Variants in CPAMD8 observed in about 807,000 individuals in gnomAD.
CPAMD8 encodes C3 and PZP like alpha-2-macroglobulin domain containing 8.
CPAMD8 carries 146 observed loss-of-function variants against 224.7 expected under a neutral mutation model. The ratio of observed to expected loss-of-function variants is 0.65; its 90% confidence interval spans 0.57 to 0.75. The LOEUF is 0.75. CPAMD8 is among the 30% of genes least tolerant of loss of function. The pLI, the probability that CPAMD8 is intolerant of heterozygous loss-of-function variation, is 0.00. For missense variants in CPAMD8, 2,301 were observed against 2,537.5 expected, an observed-to-expected ratio of 0.91 and a Z score of 2.00; for synonymous variants, 966 against 1,044.6, an observed-to-expected ratio of 0.92 and a Z score of 1.45.
chr19:16,938,002 G>T (rs1486407976), intron 23 of CPAMD8, among the ~76,000 whole-genome samples: 3 of 152,096 alleles, frequency 2.0e-5, no homozygotes, highest in Non-Finnish European at 4.4e-5. Flanking sequence ...GGCCAGGCTG[G>T]TCTCAAACTC....
rs369697125 is a variant in CPAMD8, at chr19:16,911,510, C to T, written c.3861+2914G>A. On this transcript the variant is annotated intron_variant, in intron 29 of 41. Transcript: ENST00000443236. The stretch of plus-strand genomic sequence containing the variant: ...CCAAGTAGCTGGGACTTCAGGCATG[C>T]GCCACCACACAAGCTAATTTTTGTA... Among the ~76,000 whole-genome samples, 51 of 149,930 alleles carry T rather than the reference C, an allele frequency of 3.4e-4. No homozygotes were observed. In the East Asian group the frequency reaches 3.8e-3, roughly 11 times the overall value.
chr19:16,929,244 G>C lies in CPAMD8; in HGVS notation c.2846-4C>G, dbSNP rs748049322. On this transcript the variant is annotated splice_polypyrimidine_tract_variant and splice_region_variant and intron_variant, in intron 23 of 41. Transcript: ENST00000443236. ...GGGGTGGAGATGTGGACTCTCTCTG[G>C]ATGGAGGAAAGGAGATGGGGAGTTG... The C allele has an allele frequency of 3.8e-6, 6 of 1,594,222 alleles. No homozygotes were observed. The highest frequency in any genetic ancestry group is 5.1e-6 in the Non-Finnish European group (6 of 1,166,466).
Position 16,914,651 on chromosome 19 carries a change from AC to A in CPAMD8, c.3786+5del. 1.2e-6 allele frequency: 2 copies of A among 1,613,812 alleles called. No individual in the cohort carries two copies. Among genetic ancestry groups the A allele is most frequent in the East Asian group, 4.5e-5 (2 of 44,864 alleles). The stretch of plus-strand genomic sequence containing the variant: ...GCCCGGGAAGGAGGCTCAAGGGGCC[AC>A]TCACCTGGATGTCCTTGTTCAGGAC... On this transcript the variant is annotated splice_donor_5th_base_variant and intron_variant, in intron 28 of 41. Transcript: ENST00000443236.
chr19:17,002,064 C>G (rs3745342), intron 9 of CPAMD8, among the ~76,000 whole-genome samples: 1 of 147,566 alleles, frequency 6.8e-6, no homozygotes, highest in African/African-American at 2.5e-5. Flanking sequence ...GAGGAGGGGG[C>G]GCCTACTGGA....
chr19:17,026,783 T>A lies in CPAMD8; in HGVS notation c.-141A>T, dbSNP rs1038931814. On this transcript the variant is annotated 5_prime_UTR_variant, in exon 1 of 42. An upstream start codon of the reference 5' UTR is lost. Transcript: ENST00000443236. ...CCCCCGCGCAGTGCGCCCGGCGCCA[T>A]GCGCCCCGCTCCGCGCCCGGCCAAG... 1.8e-6 allele frequency: 2 copies of A among 1,123,312 alleles called. No homozygotes were observed. Among genetic ancestry groups the A allele is most frequent in the Non-Finnish European group, 2.2e-6 (2 of 919,970 alleles). The allele number at this position is 1,123,312 out of a possible 1,614,324, so 69.6% of individuals were successfully genotyped here. A position where few individuals can be genotyped will look rare whatever the true frequency, so the allele number is the denominator to read the frequency against.
chr19:16,994,533 T>TC (rs1349975514), intron 11 of CPAMD8, among the ~76,000 whole-genome samples: 1 of 149,650 alleles, frequency 6.7e-6, no homozygotes, highest in Non-Finnish European at 1.5e-5. Context: ...TTTTTTTTTT[T>TC]TTTGAGAGAC....
At chr19:16,894,335 C>T (rs1180386089) in intron 41 of CPAMD8, 1 of 445,110 alleles carries the variant, frequency 2.2e-6, no homozygotes. Context: ...CTGAGGTCTG[C>T]CCACCCACCA....
In CPAMD8 at chr19:16,928,084, A is replaced by G; in HGVS notation, c.3295T>C (p.Tyr1099His). ...ACCCCCAGGGTGAAGGCCTCGCTGT[A>G]GCTCTCGTCCACCTCCATCTTCCTC... ...IWRKMEVDES[Y>H]SEAFTLGVPH... The change falls in exon 25 of 42, where the codon TAC becomes CAC. Residue 1099 changes from tyrosine (Y) to histidine (H), a missense_variant. Around this residue, in one of 4 missense-constraint regions of CPAMD8, gnomAD observed 1,709 missense variants for 1,753.2 expected, o/e 0.97. Coordinates refer to ENST00000443236, the MANE Select transcript of CPAMD8 (RefSeq NM_015692.5). 1 of 1,614,028 alleles carries G rather than the reference A, an allele frequency of 6.2e-7. No individual in the cohort carries two copies. The highest frequency in any genetic ancestry group is 8.5e-7 in the Non-Finnish European group (1 of 1,180,016).
rs751520601 is a variant in CPAMD8, at chr19:16,945,546, T to C, written c.2793+3A>G. The C allele has an allele frequency of 1.2e-6, 2 of 1,613,814 alleles. No homozygotes were observed. Among genetic ancestry groups the C allele is most frequent in the Non-Finnish European group, 1.7e-6 (2 of 1,179,776 alleles). On this transcript the variant is annotated splice_donor_region_variant and intron_variant, in intron 22 of 41. Transcript: ENST00000443236. ...AGCACCAGAGATGAGGACACGGCCT[T>C]ACCTCAACCATCACACTGCGCCTGA...
At chr19:16,903,491 C>T (rs374806196) in intron 34 of CPAMD8, 70 bp downstream of exon 34, 1 of 1,604,834 alleles carries the variant, frequency 6.2e-7, no homozygotes, top group African/African-American at 1.3e-5. Flanking sequence ...TGGGGTTCCA[C>T]TGTGTGATTG....
chr19:16,938,362 C>T (rs760452506), intron 23 of CPAMD8, 33 bp downstream of exon 23: 6 of 1,399,714 alleles, frequency 4.3e-6, no homozygotes, highest in South Asian at 4.0e-5. Flanking sequence ...GCCAGGTGGC[C>T]ACACCTTAGC....
Position 16,925,300 on chromosome 19 carries a change from T to A in CPAMD8, c.3443A>T (p.Asn1148Ile). 6.2e-7 allele frequency: 1 copy of A among 1,614,244 alleles called. No homozygotes were observed. Among genetic ancestry groups the A allele is most frequent in the Non-Finnish European group, 8.5e-7 (1 of 1,180,030 alleles). ...LRLPFGCGEQ[N>I]MIHFAPNVFV... The stretch of plus-strand genomic sequence containing the variant: ...GACGTTGGGTGCAAAGTGGATCATG[T>A]TCTGCTCTCCACAGCCAAACGGCAG... The change falls in exon 26 of 42, where the codon AAC becomes ATC. Residue 1148 changes from asparagine (N) to isoleucine (I), a missense_variant. By Grantham distance (149) the Asn-to-Ile change is moderately radical. This residue lies in a region of CPAMD8 where 1,709 missense variants were observed against 1,753.2 expected (regional missense o/e 0.97). Coordinates refer to ENST00000443236, the MANE Select transcript of CPAMD8 (RefSeq NM_015692.5).
At chr19:17,007,245 A>G (rs2056516398) in intron 7 of CPAMD8, among the ~76,000 whole-genome samples, 1 of 152,042 alleles carries the variant, frequency 6.6e-6, no homozygotes, top group Non-Finnish European at 1.5e-5. Flanking sequence ...GAGGCAGGAG[A>G]ATGGCTTGAA....
chr19:16,943,442 T>C (rs1308019569), intron 22 of CPAMD8, among the ~76,000 whole-genome samples: 1 of 152,024 alleles, frequency 6.6e-6, no homozygotes, highest in Non-Finnish European at 1.5e-5. Context: ...CTGGCTCTGT[T>C]TTCCAGGCTG....
intron 35 of CPAMD8, 73 bp from the exon 36 acceptor site, chr19:16,901,370 C>G: frequency 5.8e-6 from 6 of 1,029,046 alleles, no homozygotes; most frequent in South Asian, 1.4e-5. Context: ...CCCCTCTCCC[C>G]CTGGAGCCCA....
intron 3 of CPAMD8, among the ~76,000 whole-genome samples, chr19:17,015,305 G>T (rs1466904650): frequency 2.6e-5 from 4 of 152,168 alleles, no homozygotes; most frequent in Admixed American, 2.6e-4. Context: ...TTCCTCTTCT[G>T]AGGACCCCTA....
intron 35 of CPAMD8, among the ~76,000 whole-genome samples, chr19:16,901,921 G>A (rs751004570): frequency 1.3e-5 from 2 of 152,164 alleles, no homozygotes; most frequent in Non-Finnish European, 2.9e-5. Context: ...TTCGGGCTGA[G>A]AGTCAAGGTC....
chr19:17,003,326 G>A (rs992969659), intron 8 of CPAMD8, among the ~76,000 whole-genome samples: 3 of 151,296 alleles, frequency 2.0e-5, no homozygotes, highest in Admixed American at 6.6e-5. Context: ...TCAGCTTCCC[G>A]AGTAGCGGGG....
chr19:16,905,375 T>C (rs1273377623), intron 30 of CPAMD8, among the ~76,000 whole-genome samples: 1 of 149,560 alleles, frequency 6.7e-6, no homozygotes. Context: ...AGGTCAGGAG[T>C]TCGAGACCAG....
Sources: allele counts gnomAD v4.1 joint callset (sites outside exome capture counted in the v4.1 genomes callset), GRCh38; gene constraint gnomAD v4.1.1; regional missense constraint gnomAD v4.1.1; transcripts MANE v1.5; gene names NCBI Gene and HGNC (gene_info 2026-07-23, HGNC 2026-07-21).